OPHN1: variants seen among roughly 807,000 people sequenced by gnomAD.
The protein encoded by OPHN1 is oligophrenin-1.
OPHN1 carries 11 observed loss-of-function variants against 60.7 expected under a neutral mutation model. The ratio of observed to expected loss-of-function variants is 0.18; its 90% CI spans 0.11 to 0.30. The LOEUF (loss-of-function observed/expected upper bound fraction) is 0.30, where lower values mean the gene tolerates loss of function less well. Ranked by LOEUF, OPHN1 falls within the 10% of genes least tolerant of loss-of-function variation. The pLI, the probability that OPHN1 is intolerant of heterozygous loss-of-function variation, is 1.00. For synonymous variants in OPHN1, 226 were observed against 222.6 expected (o/e 1.02, Z -0.14); for missense variants, 449 against 611.0 (o/e 0.73, Z 2.80).
intron 21 of OPHN1, among the ~76,000 whole-genome samples, chrX:68,062,595 T>A (rs1198159620): frequency 8.9e-6 from 1 of 112,180 alleles, no homozygotes; most frequent in Non-Finnish European, 1.9e-5. Flanking sequence ...ACTTCATAAG[T>A]CTTATTCATT....
intron 5 of OPHN1, among the ~76,000 whole-genome samples, chrX:68,270,302 C>T (rs1381523618): frequency 3.0e-4 from 33 of 110,294 alleles, no homozygotes; most frequent in South Asian, 7.9e-4. Context: ...ATGTTTATTG[C>T]GGCACTATTC....
At chrX:68,307,071 C>T (rs1385750052) in intron 2 of OPHN1, among the ~76,000 whole-genome samples, 2 of 110,887 alleles carry the variant, frequency 1.8e-5, no homozygotes, top group Non-Finnish European at 3.8e-5. Flanking sequence ...TTTCAGTGGT[C>T]CCAGGAATAT....
At chrX:68,346,097 C>G (rs1408944950) in intron 2 of OPHN1, among the ~76,000 whole-genome samples, 1 of 112,060 alleles carries the variant, frequency 8.9e-6, no homozygotes, top group Non-Finnish European at 1.9e-5. Flanking sequence ...CACTGCACTC[C>G]AGCCTGGGCA....
chrX:68,213,418 C>T (rs1043806072), intron 7 of OPHN1, among the ~76,000 whole-genome samples: 1 of 110,670 alleles, frequency 9.0e-6, no homozygotes, highest in Non-Finnish European at 1.9e-5. Flanking sequence ...AATGAAAAAA[C>T]GTGAAATGGG....
At chrX:68,361,416 G>T (rs1445361432) in intron 2 of OPHN1, among the ~76,000 whole-genome samples, 1 of 108,014 alleles carries the variant, frequency 9.3e-6, no homozygotes, top group Admixed American at 1.0e-4. Flanking sequence ...GGAGGCAGAG[G>T]TTGCAGTGAG....
intron 5 of OPHN1, among the ~76,000 whole-genome samples, chrX:68,267,350 A>C (rs1016014937): frequency 8.9e-6 from 1 of 112,084 alleles, no homozygotes; most frequent in African/African-American, 3.2e-5. Flanking sequence ...AGTGCAATCA[A>C]ACTAGAACTC....
intron 19 of OPHN1, among the ~76,000 whole-genome samples, chrX:68,088,107 G>T (rs768990402): frequency 9.0e-6 from 1 of 111,149 alleles, no homozygotes; most frequent in Non-Finnish European, 1.9e-5. Flanking sequence ...TGGGAAAATC[G>T]ATGTCCAAAG....
intron 12 of OPHN1, 45 bp from the exon 13 acceptor site, chrX:68,194,543 A>G (rs1276959326): frequency 1.9e-6 from 2 of 1,034,033 alleles, no homozygotes; most frequent in Non-Finnish European, 2.7e-6. Context: ...ATTGTCAATC[A>G]ATATAGGAAA....
intron 5 of OPHN1, among the ~76,000 whole-genome samples, chrX:68,267,178 C>G (rs2077934752): frequency 9.0e-6 from 1 of 111,365 alleles, no homozygotes; most frequent in Non-Finnish European, 1.9e-5. Context: ...GCAAGCAGAC[C>G]TAATAGACAT....
At chrX:68,139,926 G>A (rs1450650926) in intron 15 of OPHN1, among the ~76,000 whole-genome samples, 2 of 112,144 alleles carry the variant, frequency 1.8e-5, no homozygotes, top group Non-Finnish European at 3.8e-5. Context: ...CAGCTTCACT[G>A]TAGGCTTGAG....
chrX:68,189,253 T>C (rs1167078169), intron 15 of OPHN1, among the ~76,000 whole-genome samples: 2 of 112,178 alleles, frequency 1.8e-5, no homozygotes, highest in Non-Finnish European at 3.8e-5. Context: ...ACAACATGAT[T>C]ATTAAGACTA....
At chrX:68,136,424 C>G (rs1218654055) in intron 15 of OPHN1, among the ~76,000 whole-genome samples, 9 of 107,011 alleles carry the variant, frequency 8.4e-5, no homozygotes, top group Non-Finnish European at 1.5e-4. Flanking sequence ...CTGCCTCAGC[C>G]TCCCGAGTAG....
chrX:68,270,214 T>C (rs1338445627), intron 5 of OPHN1, among the ~76,000 whole-genome samples: 1 of 111,048 alleles, frequency 9.0e-6, no homozygotes. Flanking sequence ...AGAAATACCA[T>C]TTCACCCAGC....
chrX:68,260,021 T>C (rs888669476), intron 5 of OPHN1, among the ~76,000 whole-genome samples: 5 of 111,809 alleles, frequency 4.5e-5, no homozygotes, highest in African/African-American at 1.6e-4. Context: ...TTATAACATA[T>C]ACTCTGAAAA....
intron 15 of OPHN1, among the ~76,000 whole-genome samples, chrX:68,122,298 A>G (rs994974949): frequency 1.8e-5 from 2 of 111,865 alleles, no homozygotes; most frequent in Non-Finnish European, 3.8e-5. Flanking sequence ...TGGGTATGGG[A>G]TGCTCTCTAA....
At chrX:68,195,624 T>G (rs1191808912) in intron 12 of OPHN1, among the ~76,000 whole-genome samples, 5 of 111,915 alleles carry the variant, frequency 4.5e-5, no homozygotes, top group Non-Finnish European at 9.4e-5. Flanking sequence ...AACTGGAGTG[T>G]TTAGTAAAGG....
chrX:68,233,352 A>G (rs1427164286), intron 6 of OPHN1, among the ~76,000 whole-genome samples: 1 of 112,257 alleles, frequency 8.9e-6, no homozygotes, highest in East Asian at 2.8e-4. Context: ...ACAAGATGAC[A>G]GCTCCTGCCT....
intron 21 of OPHN1, among the ~76,000 whole-genome samples, chrX:68,057,954 G>A (rs1248447546): frequency 9.0e-6 from 1 of 111,367 alleles, no homozygotes; most frequent in East Asian, 2.8e-4. Context: ...AAGTCTATAA[G>A]CCTCTATCTC....
At chrX:68,263,350 A>G (rs1009216687) in intron 5 of OPHN1, among the ~76,000 whole-genome samples, 3 of 111,482 alleles carry the variant, frequency 2.7e-5, no homozygotes, top group Admixed American at 1.9e-4. Context: ...GAAACACTCA[A>G]TGTTCAACAC....
Sources: allele counts gnomAD v4.1 joint callset (sites outside exome capture counted in the v4.1 genomes callset), GRCh38; gene constraint gnomAD v4.1.1; transcripts MANE v1.5; gene names NCBI Gene and HGNC (gene_info 2026-07-23, HGNC 2026-07-21).